The following MPC1 variants were observed in gnomAD, a reference collection of about 807,000 sequenced individuals.
The protein encoded by MPC1 is HSPC040 protein.
Under a neutral mutation model 13.9 loss-of-function variants are expected in MPC1, and 6 were observed. That is an observed-to-expected ratio of 0.43 (90% confidence interval 0.24 to 0.85). MPC1 has a LOEUF of 0.85. Ranked by LOEUF, MPC1 falls within the 40% of genes least tolerant of loss-of-function variation. The probability of loss-of-function intolerance (pLI) is 0.24; values close to 1 mark genes in which losing one functional copy is unlikely to be tolerated. For missense variants in MPC1, 115 were observed against 143.3 expected (o/e 0.80, Z 1.01); for synonymous variants, 47 against 50.5 (o/e 0.93, Z 0.29).
At chr6:166,382,187 T>C (rs1330701208) in intron 1 of MPC1, among the ~76,000 whole-genome samples, 1 of 152,168 alleles carries the variant, frequency 6.6e-6, no homozygotes, top group Non-Finnish European at 1.5e-5. Flanking sequence ...CGAGCCTCTG[T>C]CACCCCTGCC....
intron 1 of MPC1, among the ~76,000 whole-genome samples, chr6:166,376,449 G>A (rs1342343374): frequency 6.6e-6 from 1 of 152,226 alleles, no homozygotes; most frequent in South Asian, 2.1e-4. Flanking sequence ...CTCCAGAAGA[G>A]AGAGCAAATT....
At chr6:166,370,076 T>C (rs373551076) in intron 2 of MPC1, 142 bp downstream of exon 2, 5 of 739,266 alleles carry the variant, frequency 6.8e-6, no homozygotes, top group Non-Finnish European at 1.0e-5. Flanking sequence ...CAGGCCAGGG[T>C]GCAGTAGGCA....
At chr6:166,382,181 C>A (rs1029123821) in intron 1 of MPC1, among the ~76,000 whole-genome samples, 10 of 152,250 alleles carry the variant, frequency 6.6e-5, no homozygotes, top group Non-Finnish European at 1.0e-4. Flanking sequence ...GAGGAACGAG[C>A]CTCTGTCACC....
At chr6:166,368,221 C>T (rs148952741) in intron 2 of MPC1, among the ~76,000 whole-genome samples, 97 of 152,316 alleles carry the variant, frequency 6.4e-4, no homozygotes, top group African/African-American at 2.3e-3. Flanking sequence ...ACTAGTGGCT[C>T]TCAAATTGGA....
chr6:166,369,503 TGTAA>T (rs1479392470), intron 2 of MPC1: 1 of 158,882 alleles, frequency 6.3e-6, no homozygotes, highest in Non-Finnish European at 1.4e-5. Context: ...CACTTATGAC[TGTAA>T]GTGTTGAGCT....
chr6:166,366,539 A>C (rs1179477778), intron 3 of MPC1, among the ~76,000 whole-genome samples: 1 of 152,342 alleles, frequency 6.6e-6, no homozygotes, highest in African/African-American at 2.4e-5. Flanking sequence ...TGACTATTAG[A>C]ATGATTCAGA....
At chr6:166,369,516 C>T (rs1429307349) in intron 2 of MPC1, 1 of 160,056 alleles carries the variant, frequency 6.2e-6, no homozygotes, top group Non-Finnish European at 1.4e-5. Flanking sequence ...AAGTGTTGAG[C>T]TATACTGAAA....
chr6:166,378,781 G>C (rs988657177), intron 1 of MPC1, among the ~76,000 whole-genome samples: 2 of 152,298 alleles, frequency 1.3e-5, no homozygotes, highest in African/African-American at 4.8e-5. Context: ...CAAAAAGAGA[G>C]TACCAGAAAT....
At position 166,365,638 on chromosome 6, in the gene MPC1, T is replaced by G. The variant is rs868369454; in HGVS notation, c.306-185A>C. Among the ~76,000 whole-genome samples the G allele has an allele frequency of 6.6e-6, 1 of 152,224 alleles. No homozygotes were observed. The highest frequency in any genetic ancestry group is 1.5e-5 in the Non-Finnish European group (1 of 68,050). ...CTTAGGCCCAGACATGTTTCAGATT[T>G]TTTCAGATTTCGGAATAACTGGATT... On this transcript the variant is annotated intron_variant, in intron 4 of 4. Transcript: ENST00000360961. The surrounding 1 kb of genome is among the most constrained non-coding windows in gnomAD (Gnocchi z 4.2).
intron 1 of MPC1, among the ~76,000 whole-genome samples, chr6:166,381,578 T>C (rs1474666088): frequency 6.6e-6 from 1 of 152,108 alleles, no homozygotes; most frequent in East Asian, 1.9e-4. Context: ...ACTGAAAAAC[T>C]AACTAAAATT....
At chr6:166,372,420 A>G (rs1452466165) in intron 1 of MPC1, among the ~76,000 whole-genome samples, 1 of 151,406 alleles carries the variant, frequency 6.6e-6, no homozygotes, top group Non-Finnish European at 1.5e-5. Context: ...ATAAGGGAGA[A>G]TTACAAATGT....
chr6:166,370,473 G>C, intron 1 of MPC1: 1 of 465,490 alleles, frequency 2.1e-6, no homozygotes, highest in South Asian at 3.3e-5. Flanking sequence ...GCAATCCTTA[G>C]AGCAGAACTG....
At chr6:166,366,571 G>A (rs1256802226) in intron 3 of MPC1, among the ~76,000 whole-genome samples, 1 of 152,202 alleles carries the variant, frequency 6.6e-6, no homozygotes, top group Non-Finnish European at 1.5e-5. Flanking sequence ...TCAGTTCAGT[G>A]TGCTAAATCT....
chr6:166,365,520 G>C lies in MPC1; in HGVS notation c.306-67C>G. 7.4e-7 allele frequency: 1 copy of C among 1,358,108 alleles called. No individual in the cohort carries two copies. The highest frequency in any genetic ancestry group is 1.0e-6 in the Non-Finnish European group (1 of 1,000,262). 84.1% of individuals were successfully genotyped at this position (1,358,108 alleles called of 1,614,324 possible). On this transcript the variant is annotated intron_variant, in intron 4 of 4. Transcript: ENST00000360961. The surrounding 1 kb of genome is among the most constrained non-coding windows in gnomAD (Gnocchi z 4.2). ...TTCAATGCCAATCGCAAGGGCTTTGGATGGCTTTTAAAAGACACCTTTACA... is the reference window on the plus strand; with the variant it reads ...TTCAATGCCAATCGCAAGGGCTTTGCATGGCTTTTAAAAGACACCTTTACA...
At chr6:166,370,288 A>G in intron 1 of MPC1, 67 bp from the exon 2 acceptor site, 1 of 703,158 alleles carries the variant, frequency 1.4e-6, no homozygotes, top group Admixed American at 2.1e-5. Flanking sequence ...CAAAAATCAA[A>G]TGATTTTGGT....
chr6:166,382,896 C>T lies in MPC1; in HGVS notation c.-20G>A, dbSNP rs762336418. On this transcript the variant is annotated 5_prime_UTR_variant, in exon 1 of 5. Transcript: ENST00000360961. ...CGCCATGGCTGTGCCGACACCAGAC[C>T]CCGAGTGGTCCCTGCCTCTGCTGCC... The T allele has an allele frequency of 1.3e-6, 2 of 1,587,932 alleles. No homozygotes were observed. The highest frequency in any genetic ancestry group is 1.7e-5 in the Admixed American group (1 of 57,954).
At chr6:166,372,371 C>CAAATGTATGAGAATAAGGGAGATTAT (rs1354757692) in intron 1 of MPC1, among the ~76,000 whole-genome samples, 2 of 152,034 alleles carry the variant, frequency 1.3e-5, no homozygotes, top group Admixed American at 1.3e-4. Context: ...CAACAGATTA[C>CAAATGTATGAGAATAAGGGAGATTAT]AAATGTATGA....
At chr6:166,376,822 T>C (rs1779586112) in intron 1 of MPC1, among the ~76,000 whole-genome samples, 1 of 152,226 alleles carries the variant, frequency 6.6e-6, no homozygotes, top group African/African-American at 2.4e-5. Context: ...TCTCTACCTA[T>C]TTACTTTTAA....
intron 1 of MPC1, among the ~76,000 whole-genome samples, chr6:166,373,104 C>T (rs921196786): frequency 6.6e-6 from 1 of 152,164 alleles, no homozygotes; most frequent in Non-Finnish European, 1.5e-5. Flanking sequence ...TATCTACATC[C>T]CCCGCCCATG....
Sources: gnomAD v4.1 joint callset for allele counts (sites outside exome capture counted in the v4.1 genomes callset) on GRCh38, gnomAD v4.1.1 for gene constraint, Gnocchi (gnomAD v3.1) non-coding constraint, MANE v1.5 for transcripts, NCBI Gene and HGNC (gene_info 2026-07-23, HGNC 2026-07-21) for gene names.